The following CHD6 variants were observed in gnomAD, a reference collection of about 807,000 sequenced individuals.
CHD6 encodes chromodomain helicase DNA binding protein 6, also known as ATP-dependent chromatin remodeler CHD6.
Under a neutral mutation model 276.9 loss-of-function variants are expected in CHD6, and 50 were observed. That is an observed-to-expected ratio of 0.18 (90% confidence interval 0.14 to 0.23). The LOEUF (loss-of-function observed/expected upper bound fraction) is 0.23. CHD6 is among the 10% of genes least tolerant of loss of function. CHD6 has a pLI of 1.00. For synonymous variants in CHD6, 1,173 were observed against 1,229.3 expected (o/e 0.95, Z 0.96); for missense variants, 2,564 against 3,365.8 (o/e 0.76, Z 5.89).
At chr20:41,497,087 G>A in intron 8 of CHD6, 1 of 279,386 alleles carries the variant, frequency 3.6e-6, no homozygotes, top group Non-Finnish European at 6.9e-6. Context: ...GTGGGTTGAG[G>A]GAGCAGGGAC....
intron 1 of CHD6, among the ~76,000 whole-genome samples, chr20:41,554,335 G>A (rs1425951760): frequency 1.3e-5 from 2 of 152,084 alleles, no homozygotes; most frequent in Non-Finnish European, 2.9e-5. Flanking sequence ...CAGGAATGTG[G>A]GAAAACAGGT....
At position 41,598,871 on chromosome 20, in the gene CHD6, G is replaced by C. The variant is rs537647979; in HGVS notation, c.-24+19469C>G. Among the ~76,000 whole-genome samples the C allele has an allele frequency of 2.0e-5, 3 of 152,302 alleles. No homozygotes were observed. The East Asian group carries it at 5.8e-4, about 29-fold the overall frequency. On this transcript the variant is annotated intron_variant, in intron 1 of 36. Transcript: ENST00000373233. ...CTGCCAAATAAGTGGGGCAACACTT[G>C]CGCCCTAATTCAATTGGCCATCCCA...
chr20:41,507,106 C>T (rs2043994895), intron 5 of CHD6, among the ~76,000 whole-genome samples: 1 of 152,200 alleles, frequency 6.6e-6, no homozygotes, highest in South Asian at 2.1e-4. Context: ...CAAGCATCCA[C>T]ACATGTACAT....
intron 31 of CHD6, among the ~76,000 whole-genome samples, chr20:41,418,868 G>A (rs2047089207): frequency 6.6e-6 from 1 of 152,162 alleles, no homozygotes; most frequent in South Asian, 2.1e-4. Flanking sequence ...GCTTATTAAG[G>A]TCACTGCTCC....
Position 41,452,819 on chromosome 20 carries a change from A to C in CHD6, c.3244T>G (p.Ser1082Ala). ...DSDSDERPTR[S>A]RRLNDKARRY... ...CTGGCTTTGTCATTGAGGCGCCTGG[A>C]TCTCGTGGGCCTTTCGTCTGAGTCG... Residue 1082 changes from serine (S) to alanine (A), a missense_variant, in exon 21 of 37, where the codon TCC becomes GCC. Around this residue, in one of 7 missense-constraint regions of CHD6, gnomAD observed 515 missense variants for 739.5 expected, o/e 0.70. Coordinates refer to ENST00000373233, the MANE Select transcript of CHD6 (RefSeq NM_032221.5). The surrounding 1 kb of genome is among the most constrained non-coding windows in gnomAD (Gnocchi z 4.2). 6.2e-7 allele frequency: 1 copy of C among 1,613,402 alleles called. No homozygotes were observed. Among genetic ancestry groups the C allele is most frequent in the Non-Finnish European group, 8.5e-7 (1 of 1,179,898 alleles).
chr20:41,415,262 C>T lies in CHD6; in HGVS notation c.6863G>A (p.Arg2288Lys). 16 of 1,614,204 alleles carry T rather than the reference C, an allele frequency of 9.9e-6. No individual in the cohort carries two copies. The highest frequency in any genetic ancestry group is 1.3e-5 in the Non-Finnish European group (15 of 1,180,036). ...RRDDAATRRR[R>K]GRRKHVEGGM... ...TCCTTCAACATGTTTCCGCCTCCCTCTCCGCCTCCTCGTGGCTGCATCATC... is the reference window on the plus strand; with the variant it reads ...TCCTTCAACATGTTTCCGCCTCCCTTTCCGCCTCCTCGTGGCTGCATCATC... The change falls in exon 34 of 37, where the codon AGA becomes AAA. Residue 2288 changes from arginine (R) to lysine (K), a missense_variant. Physicochemically the swap from Arg to Lys is conservative, Grantham distance 26 (BLOSUM62 2). Around this residue, in one of 7 missense-constraint regions of CHD6, gnomAD observed 1,024 missense variants for 1,047.9 expected, o/e 0.98. Transcript: ENST00000373233.
Position 41,404,279 on chromosome 20 carries a change from A to C in CHD6, c.*314T>G. The C allele has an allele frequency of 9.1e-7, 1 of 1,103,692 alleles. No homozygotes were observed. The highest frequency in any genetic ancestry group is 1.1e-6 in the Non-Finnish European group (1 of 905,872). The allele number at this position is 1,103,692 out of a possible 1,614,324, so 68.4% of individuals were successfully genotyped here. On this transcript the variant is annotated 3_prime_UTR_variant, in exon 37 of 37. Transcript: ENST00000373233. ...TTTCTTTTGCCATTTTTCCTCCTCA[A>C]GTGAGTGGGAAACTTGGAAGAGAAG...
At chr20:41,546,577 A>G (rs6102458) in intron 2 of CHD6, among the ~76,000 whole-genome samples, 20,291 of 152,164 alleles carry the variant, frequency 0.13, 2,630 homozygotes, top group East Asian at 0.32. Flanking sequence ...ATAAAAATCA[A>G]TATTCCTATA....
chr20:41,429,075 C>T (rs1404479327), intron 27 of CHD6, among the ~76,000 whole-genome samples: 1 of 152,172 alleles, frequency 6.6e-6, no homozygotes, highest in African/African-American at 2.4e-5. Flanking sequence ...GTACTGACCT[C>T]ATGGTTTAGA....
chr20:41,440,588 A>C (rs2047870771), intron 25 of CHD6, among the ~76,000 whole-genome samples: 1 of 152,228 alleles, frequency 6.6e-6, no homozygotes, highest in South Asian at 2.1e-4. Flanking sequence ...TATTGCATTA[A>C]GACAGACCTG....
intron 1 of CHD6, among the ~76,000 whole-genome samples, chr20:41,608,577 A>G (rs932819947): frequency 6.6e-6 from 1 of 152,194 alleles, no homozygotes; most frequent in African/African-American, 2.4e-5. Flanking sequence ...AAAGTCCTAT[A>G]CAGCAAAATG....
In CHD6 at chr20:41,533,368, T is replaced by G. The variant is rs2044739171; in HGVS notation, c.236A>C (p.His79Pro). Residue 79 changes from histidine to proline, a missense_variant, in exon 3 of 37, where the codon CAT becomes CCT. This residue lies in a region of CHD6 where 286 missense variants were observed against 297.8 expected (regional missense o/e 0.96). Coordinates refer to ENST00000373233, the MANE Select transcript of CHD6 (RefSeq NM_032221.5). ...ATLFPRKMTS[H>P]NGMEDSGGGG... Reference sequence around the variant, plus strand: ...TCCTCCACTGTCCTCCATCCCATTATGGGATGTCATTTTCCTAGGAAAAAG... The same window carrying G: ...TCCTCCACTGTCCTCCATCCCATTAGGGGATGTCATTTTCCTAGGAAAAAG... 1.2e-6 allele frequency: 2 copies of G among 1,614,158 alleles called. No individual in the cohort carries two copies. The highest frequency in any genetic ancestry group is 1.6e-4 in the Middle Eastern group (1 of 6,062).
chr20:41,518,564 T>G (rs2044308235), intron 3 of CHD6, among the ~76,000 whole-genome samples: 1 of 152,090 alleles, frequency 6.6e-6, no homozygotes, highest in South Asian at 2.1e-4. Context: ...TTCTCAAATA[T>G]TTGTCAGTAA....
intron 1 of CHD6, among the ~76,000 whole-genome samples, chr20:41,595,445 G>A (rs573075399): frequency 1.1e-4 from 17 of 152,280 alleles, no homozygotes; most frequent in Non-Finnish European, 2.4e-4. Context: ...AAATTCCCAT[G>A]AGGGAAGCGG....
intron 3 of CHD6, among the ~76,000 whole-genome samples, chr20:41,532,446 T>C (rs966511037): frequency 6.6e-6 from 1 of 152,160 alleles, no homozygotes; most frequent in African/African-American, 2.4e-5. Flanking sequence ...ATCCTCCTCA[T>C]AGCAGCTCCT....
intron 30 of CHD6, 54 bp downstream of exon 30, chr20:41,423,438 A>C: frequency 6.5e-7 from 1 of 1,539,658 alleles, no homozygotes. Flanking sequence ...GCAATTTGAA[A>C]ATCAGAATGT....
At chr20:41,617,661 A>G (rs2045946471) in intron 1 of CHD6, among the ~76,000 whole-genome samples, 1 of 152,132 alleles carries the variant, frequency 6.6e-6, no homozygotes, top group African/African-American at 2.4e-5. Flanking sequence ...AATAATGCAC[A>G]AAACTTGGCA....
At chr20:41,516,187 G>A (rs1191202033) in intron 3 of CHD6, among the ~76,000 whole-genome samples, 3 of 150,164 alleles carry the variant, frequency 2.0e-5, no homozygotes, top group African/African-American at 7.4e-5. Context: ...TTTTTTAGAC[G>A]GAGTCTCGCG....
At chr20:41,433,923 T>C (rs1436063869) in intron 27 of CHD6, among the ~76,000 whole-genome samples, 1 of 152,098 alleles carries the variant, frequency 6.6e-6, no homozygotes, top group Non-Finnish European at 1.5e-5. Flanking sequence ...ATGAAACACC[T>C]AGAAGCATTA....
Sources: gnomAD v4.1 joint callset for allele counts (sites outside exome capture counted in the v4.1 genomes callset) on GRCh38, gnomAD v4.1.1 for gene constraint, gnomAD v4.1.1 regional missense constraint, Gnocchi (gnomAD v3.1) non-coding constraint, MANE v1.5 for transcripts, NCBI Gene and HGNC (gene_info 2026-07-23, HGNC 2026-07-21) for gene names.